Variants in CEMIP observed in about 807,000 individuals in gnomAD.
CEMIP encodes cell migration-inducing and hyaluronan-binding protein.
Under a neutral mutation model 156.9 loss-of-function variants are expected in CEMIP, and 105 were observed. That is an observed-to-expected ratio of 0.67 (90% CI 0.57 to 0.79). The LOEUF (loss-of-function observed/expected upper bound fraction) is 0.79. Among genes scored for constraint, CEMIP ranks in the 30% least tolerant of loss-of-function variants. The pLI is 0.00. For synonymous variants in CEMIP, 676 were observed against 668.4 expected (o/e 1.01, Z -0.17); for missense variants, 1,457 against 1,769.4 (o/e 0.82, Z 3.17).
rs56412231 is a variant in CEMIP at position 80,800,021 on chromosome 15, A to ATGTGTGTGTGTGTGTGTGTGTG, written c.-176+20427_-176+20448dup. Among the ~76,000 whole-genome samples the ATGTGTGTGTGTGTGTGTGTGTG allele has an allele frequency of 8.1e-3, 1,014 of 124,862 alleles. 30 individuals carry two copies. Among genetic ancestry groups the ATGTGTGTGTGTGTGTGTGTGTG allele is most frequent in the Middle Eastern group, 0.016 (4 of 252 alleles). 81.9% of individuals were successfully genotyped at this position (124,862 alleles called of 152,430 possible). On this transcript the variant is annotated intron_variant, in intron 1 of 29. Coordinates refer to ENST00000394685, the MANE Select transcript of CEMIP (RefSeq NM_001293298.2). The stretch of plus-strand genomic sequence containing the variant: ...ACATAACACCATGCCAGCTAATTTT[A>ATGTGTGTGTGTGTGTGTGTGTG]TGTGTGTGTGTGTGTGTGTGTGTGT...
chr15:80,878,538 T>G (rs541195021), intron 3 of CEMIP, among the ~76,000 whole-genome samples, 183 bp from the exon 4 acceptor site: 51 of 152,368 alleles, frequency 3.3e-4, no homozygotes, highest in African/African-American at 1.1e-3. Flanking sequence ...AATATATGAC[T>G]GGTCCCCATG....
rs1044276196 is a variant in CEMIP at position 80,820,405 on chromosome 15, C to T, written c.-176+40791C>T. Reference sequence around the variant, plus strand: ...AGTGTATCCTTTATATTCATAGATGCGTATGCTCTCCTGGGGTCTTCTTAG... The same window carrying T: ...AGTGTATCCTTTATATTCATAGATGTGTATGCTCTCCTGGGGTCTTCTTAG... On this transcript the variant is annotated intron_variant, in intron 1 of 29. Coordinates refer to ENST00000394685, the MANE Select transcript of CEMIP (RefSeq NM_001293298.2). 5.3e-5 allele frequency among the ~76,000 whole-genome samples: 8 copies of T among 152,304 alleles called. No homozygotes were observed. The South Asian group carries it at 6.2e-4, about 12-fold the overall frequency.
chr15:80,833,390 A>T (rs1293096116), intron 1 of CEMIP, among the ~76,000 whole-genome samples: 1 of 151,958 alleles, frequency 6.6e-6, no homozygotes, highest in Non-Finnish European at 1.5e-5. Context: ...GAGGGTTCAG[A>T]CTCACTTTTC....
intron 1 of CEMIP, among the ~76,000 whole-genome samples, chr15:80,803,487 C>T (rs972725825): frequency 6.6e-6 from 1 of 152,128 alleles, no homozygotes; most frequent in Non-Finnish European, 1.5e-5. Flanking sequence ...GAAAAAGAAT[C>T]TTAGAAGCAG....
chr15:80,840,822 C>G (rs1465993890), intron 1 of CEMIP, among the ~76,000 whole-genome samples: 1 of 152,190 alleles, frequency 6.6e-6, no homozygotes, highest in Non-Finnish European at 1.5e-5. Context: ...ATTAGGAACA[C>G]CAGCAGGCTT....
intron 28 of CEMIP, 109 bp from the exon 29 acceptor site, chr15:80,946,856 T>C (rs746454567): frequency 1.6e-5 from 12 of 749,214 alleles, no homozygotes; most frequent in Non-Finnish European, 2.9e-5. Context: ...GACAGGCCTC[T>C]GGGCACTGCT....
At chr15:80,879,656 T>C in intron 4 of CEMIP, 60 bp from the exon 5 acceptor site, 2 of 1,608,686 alleles carry the variant, frequency 1.2e-6, no homozygotes, top group East Asian at 2.2e-5. Context: ...CCCTTGGCTC[T>C]GATATAACCT....
At chr15:80,852,463 G>A (rs1897737349) in intron 1 of CEMIP, among the ~76,000 whole-genome samples, 1 of 152,066 alleles carries the variant, frequency 6.6e-6, no homozygotes, top group South Asian at 2.1e-4. Flanking sequence ...CTAGGTTGGT[G>A]CAAAAGTAAT....
intron 29 of CEMIP, 112 bp from the exon 30 acceptor site, chr15:80,948,685 C>A: frequency 7.1e-7 from 1 of 1,407,488 alleles, no homozygotes; most frequent in Non-Finnish European, 1.0e-6. Flanking sequence ...TGCAGTGTGG[C>A]TAGGCGGTAC....
intron 1 of CEMIP, among the ~76,000 whole-genome samples, chr15:80,851,726 C>A (rs1897720970): frequency 6.6e-6 from 1 of 152,006 alleles, no homozygotes; most frequent in Non-Finnish European, 1.5e-5. Flanking sequence ...TCTGGTGGTA[C>A]TAGCGTGGCC....
At position 80,948,862 on chromosome 15, in the gene CEMIP, G is replaced by A. The variant is rs139285707; in HGVS notation, c.4024G>A (p.Asp1342Asn). 2.3e-5 allele frequency: 37 copies of A among 1,614,224 alleles called. No individual in the cohort carries two copies. Among genetic ancestry groups the A allele is most frequent in the Middle Eastern group, 3.3e-4 (2 of 6,062 alleles). The stretch of plus-strand genomic sequence containing the variant: ...CATCTGGGTGACACTGGACACTGAG[G>A]ATCACAAAGCCAAAATCTTCCAAGT... ...RPIWVTLDTE[D>N]HKAKIFQVVP... The change falls in exon 30 of 30, where the codon GAT becomes AAT. Residue 1342 changes from aspartate (D) to asparagine (N), a missense_variant. Physicochemically the swap from Asp to Asn is conservative, Grantham distance 23. Transcript: ENST00000394685.
At chr15:80,881,779 G>C (rs897206915) in intron 6 of CEMIP, among the ~76,000 whole-genome samples, 3 of 152,214 alleles carry the variant, frequency 2.0e-5, no homozygotes, top group African/African-American at 4.8e-5. Context: ...TCTGGCTGTA[G>C]AGAATGGTTT....
chr15:80,912,840 T>C (rs1440356124), intron 14 of CEMIP, among the ~76,000 whole-genome samples: 1 of 152,180 alleles, frequency 6.6e-6, no homozygotes, highest in Non-Finnish European at 1.5e-5. Flanking sequence ...TACTCACGGC[T>C]GACTATGTTT....
intron 1 of CEMIP, among the ~76,000 whole-genome samples, chr15:80,783,137 C>T (rs982972790): frequency 7.2e-5 from 11 of 152,244 alleles, no homozygotes; most frequent in Admixed American, 3.9e-4. Flanking sequence ...CATCAGCCTC[C>T]TTTGAAGCCT....
chr15:80,841,816 T>C (rs1246342106), intron 1 of CEMIP, among the ~76,000 whole-genome samples: 1 of 152,138 alleles, frequency 6.6e-6, no homozygotes, highest in African/African-American at 2.4e-5. Flanking sequence ...AGCATGAGAT[T>C]TGGGATCACA....
intron 1 of CEMIP, among the ~76,000 whole-genome samples, chr15:80,851,418 C>G (rs1897713258): frequency 1.3e-5 from 2 of 152,134 alleles, no homozygotes; most frequent in South Asian, 2.1e-4. Flanking sequence ...TAGGCCAGGC[C>G]CTCGATCACA....
chr15:80,946,630 C>T (rs1901566160), intron 28 of CEMIP: 2 of 339,264 alleles, frequency 5.9e-6, no homozygotes, highest in African/African-American at 4.2e-5. Flanking sequence ...CGAAGTCCTA[C>T]TGTGTGCCGA....
intron 1 of CEMIP, among the ~76,000 whole-genome samples, chr15:80,805,636 C>T (rs545901488): frequency 6.6e-6 from 1 of 152,266 alleles, no homozygotes; most frequent in South Asian, 2.1e-4. Flanking sequence ...TAAATATATA[C>T]AAACATAAAA....
rs577509347 is a variant in CEMIP, at chr15:80,827,582, G to A, written c.-175-45956G>A. On this transcript the variant is annotated intron_variant, in intron 1 of 29. Transcript: ENST00000394685. ...TGCAGTGAGCCGAGATCACACCACT[G>A]TACTCCAGCCTGGGAGACAGAGCGA... 5.3e-5 allele frequency among the ~76,000 whole-genome samples: 8 copies of A among 152,240 alleles called. No homozygotes were observed. The East Asian group carries it at 1.5e-3, about 29-fold the overall frequency.
Sources: gnomAD v4.1 joint callset for allele counts (sites outside exome capture counted in the v4.1 genomes callset) on GRCh38, gnomAD v4.1.1 for gene constraint, MANE v1.5 for transcripts, NCBI Gene and HGNC (gene_info 2026-07-23, HGNC 2026-07-21) for gene names.